Variants in PYCR3 observed in about 807,000 individuals in gnomAD.
PYCR3 encodes the protein P5C reductase 3.
In PYCR3, 26 loss-of-function variants were observed where a neutral mutation model predicts 23.4. The observed-to-expected ratio is 1.11, with a 90% CI of 0.81 to 1.54. The LOEUF (loss-of-function observed/expected upper bound fraction) is 1.54. PYCR3 is among the 40% of genes most tolerant of loss of function. PYCR3 has a pLI of 0.00. For synonymous variants in PYCR3, 194 were observed against 162.6 expected, an observed-to-expected ratio of 1.19 and a Z score of -1.47; for missense variants, 360 against 376.3, an observed-to-expected ratio of 0.96 and a Z score of 0.36.
intron 1 of PYCR3, chr8:143,608,884 C>T (rs1185132135): frequency 2.2e-6 from 1 of 456,722 alleles, no homozygotes; most frequent in Non-Finnish European, 4.4e-6. Context: ...TGGCTGAAGG[C>T]AGAGAGTCAA....
At position 143,607,269 on chromosome 8, in the gene PYCR3, G is replaced by T. The variant is rs935117042; in HGVS notation, c.157-137C>A. The T allele has an allele frequency of 7.7e-5, 61 of 794,736 alleles. 1 individual carries two copies. Among genetic ancestry groups the T allele is most frequent in the African/African-American group, 7.6e-4 (43 of 56,386 alleles). The allele number at this position is 794,736 out of a possible 1,614,324, so 49.2% of individuals were successfully genotyped here. On this transcript the variant is annotated intron_variant, in intron 2 of 5. Coordinates refer to ENST00000495276, the MANE Select transcript of PYCR3 (RefSeq NM_023078.6). ...CCATTGCAAGTGTCTAGACCACCCC[G>T]ACTTCTCCAGTGCCCAAGACTCCCC...
rs967687419 is a variant in PYCR3 at position 143,604,827 on chromosome 8, G to A, written c.*873C>T. On this transcript the variant is annotated 3_prime_UTR_variant, in exon 6 of 6. Transcript: ENST00000495276. Reference sequence around the variant, plus strand: ...AGTCTTGCCATCAGAGGCCAGTGTGGTGGTGCCAGAGCTACGGGGTATTCC... The same window carrying A: ...AGTCTTGCCATCAGAGGCCAGTGTGATGGTGCCAGAGCTACGGGGTATTCC... 1 of 455,856 alleles carries A rather than the reference G, an allele frequency of 2.2e-6. No homozygotes were observed. The highest frequency in any genetic ancestry group is 4.4e-6 in the Non-Finnish European group (1 of 227,820). 28.2% of individuals were successfully genotyped at this position (455,856 alleles called of 1,614,324 possible).
rs554156846 is a variant in PYCR3 at position 143,603,452 on chromosome 8, G to A, written c.*2248C>T. Among the ~76,000 whole-genome samples, 7 of 152,344 alleles carry A rather than the reference G, an allele frequency of 4.6e-5. No individual in the cohort carries two copies. The highest frequency in any genetic ancestry group is 3.3e-4 in the Admixed American group (5 of 15,296). On this transcript the variant is annotated 3_prime_UTR_variant, in exon 6 of 6. Transcript: ENST00000495276. Reference sequence around the variant, plus strand: ...CCCTGCCGTGCCGAGAACTGAGCCCGTGTCTTTGTCACAGGCCCTCACCAG... The same window carrying A: ...CCCTGCCGTGCCGAGAACTGAGCCCATGTCTTTGTCACAGGCCCTCACCAG...
chr8:143,605,933 C>A, intron 5 of PYCR3, 51 bp from the exon 6 acceptor site: 2 of 1,574,044 alleles, frequency 1.3e-6, no homozygotes, highest in Non-Finnish European at 1.7e-6. Flanking sequence ...GCGGTCCCCA[C>A]TGTGCGGCCT....
rs566730317 is a variant in PYCR3, at chr8:143,606,554, A to G, written c.462T>C (p.His154=). The G allele has an allele frequency of 1.9e-6, 3 of 1,612,886 alleles. No homozygotes were observed. In the African/African-American group the frequency reaches 4.0e-5, roughly 21 times the overall value. ...CACACCGCCCACAGGCCTCCAGCAG[A>G]TGCTGCAGGAGCTTGGTCTCGCTGC... ...VGSSETKLLQ[H]LLEACGRCEE... Residue 154 remains histidine (H), a synonymous_variant, in exon 4 of 6, where the codon CAT becomes CAC. Coordinates refer to ENST00000495276, the MANE Select transcript of PYCR3 (RefSeq NM_023078.6).
At chr8:143,607,200 C>T (rs534256605) in intron 2 of PYCR3, 68 bp from the exon 3 acceptor site, 15 of 1,395,848 alleles carry the variant, frequency 1.1e-5, no homozygotes, top group East Asian at 5.1e-5. Flanking sequence ...CATCACAGCC[C>T]TTCCTGCTGG....
At position 143,607,660 on chromosome 8, in the gene PYCR3, A is replaced by T. The variant is rs565122223; in HGVS notation, c.156+402T>A. On this transcript the variant is annotated intron_variant, in intron 2 of 5. Coordinates refer to ENST00000495276, the MANE Select transcript of PYCR3 (RefSeq NM_023078.6). Reference sequence around the variant, plus strand: ...CGACCACACAGGTGCACATGCACTCATGAGCATGCACTCATACACACACGC... The same window carrying T: ...CGACCACACAGGTGCACATGCACTCTTGAGCATGCACTCATACACACACGC... 3.2e-3 allele frequency among the ~76,000 whole-genome samples: 494 copies of T among 152,172 alleles called. 13 individuals are homozygous for T. The highest frequency in any genetic ancestry group is 1.4e-3 in the East Asian group (7 of 5,178).
chr8:143,606,812 A>G, intron 3 of PYCR3, 133 bp from the exon 4 acceptor site: 2 of 1,328,106 alleles, frequency 1.5e-6, no homozygotes, highest in Non-Finnish European at 2.1e-6. Flanking sequence ...GTACAGCACC[A>G]GGAGGGAACC....
chr8:143,607,994 T>G, intron 2 of PYCR3, 68 bp downstream of exon 2: 1 of 1,191,272 alleles, frequency 8.4e-7, no homozygotes, highest in Non-Finnish European at 1.2e-6. Flanking sequence ...ATAAGTGTCT[T>G]AGTGGGACAG....
chr8:143,606,202 G>A, intron 4 of PYCR3, 48 bp from the exon 5 acceptor site: 1 of 1,533,060 alleles, frequency 6.5e-7, no homozygotes, highest in Non-Finnish European at 8.9e-7. Flanking sequence ...CAAAGCCTGG[G>A]GGCTCAGGAC....
Position 143,604,368 on chromosome 8 carries a change from C to CCG in PYCR3, c.*1331_*1332insCG. The CCG allele has an allele frequency of 6.4e-6, 1 of 157,216 alleles. No individual in the cohort carries two copies. The highest frequency in any genetic ancestry group is 6.4e-5 in the Admixed American group (1 of 15,520). 9.7% of individuals were successfully genotyped at this position (157,216 alleles called of 1,614,324 possible). A position where few individuals can be genotyped will look rare whatever the true frequency, so the allele number is the denominator to read the frequency against. ...GCAGGGGAGGGAGCTTACGGACGGG[C>CCG]TAGGCTCAGGAGAGTAAGAGAGAGC... is the stretch of plus-strand genomic sequence containing the variant. On this transcript the variant is annotated 3_prime_UTR_variant, in exon 6 of 6. Coordinates refer to ENST00000495276, the MANE Select transcript of PYCR3 (RefSeq NM_023078.6).
intron 1 of PYCR3, chr8:143,608,798 G>A (rs1487522530): frequency 2.2e-6 from 1 of 456,514 alleles, no homozygotes; most frequent in Admixed American, 2.3e-5. Context: ...GTACTGCCAG[G>A]TTTCACAGGG....
chr8:143,609,409 C>T (rs1412593373), intron 1 of PYCR3, 49 bp downstream of exon 1: 9 of 1,435,966 alleles, frequency 6.3e-6, no homozygotes, highest in Non-Finnish European at 8.2e-6. Flanking sequence ...ACACCTCCCA[C>T]GGGGCTGCTC....
rs1829418592 is a variant in PYCR3 at position 143,606,961 on chromosome 8, G to C, written c.328C>G (p.Leu110Val). The change falls in exon 3 of 6, where the codon CTG becomes GTG. Residue 110 changes from leucine (L) to valine (V), a missense_variant. Transcript: ENST00000495276. The part of the protein sequence containing the change: ...SVAAGVSLST[L>V]EELLPPNTRV... ...GCCCAAGGGACACTCACCTCCTCCA[G>C]GGTGCTCAGAGACACCCCAGCAGCC... is the stretch of plus-strand genomic sequence containing the variant. 1 of 1,602,046 alleles carries C rather than the reference G, an allele frequency of 6.2e-7. No homozygotes were observed. The highest frequency in any genetic ancestry group is 2.2e-5 in the East Asian group (1 of 44,626).
rs1176112367 is a variant in PYCR3 at position 143,605,172 on chromosome 8, A to ATCAGGCCG, written c.*527_*528insCGGCCTGA. On this transcript the variant is annotated 3_prime_UTR_variant, in exon 6 of 6. Transcript: ENST00000495276. Reference sequence around the variant, plus strand: ...CTCCCCATGGGGGCCCCATCAGGCCAGGGCCCCTGGCTTTACTGCAGGGGA... The same window carrying ATCAGGCCG: ...CTCCCCATGGGGGCCCCATCAGGCCATCAGGCCGGGGCCCCTGGCTTTACTGCAGGGGA... 276 of 343,528 alleles carry ATCAGGCCG rather than the reference A, an allele frequency of 8.0e-4. 4 individuals carry two copies. The highest frequency in any genetic ancestry group is 5.8e-3 in the African/African-American group (267 of 46,318). The allele number at this position is 343,528 out of a possible 1,614,324, so 21.3% of individuals were successfully genotyped here.
intron 1 of PYCR3, 35 bp downstream of exon 1, chr8:143,609,423 C>G (rs912920991): frequency 7.4e-6 from 11 of 1,479,200 alleles, no homozygotes; most frequent in Admixed American, 2.4e-5. Context: ...GCTGCTCCCA[C>G]TCCAGACCGC....
chr8:143,607,134 T>G lies in PYCR3; in HGVS notation c.157-2A>C, dbSNP rs1352448397. 6.4e-7 allele frequency: 1 copy of G among 1,562,834 alleles called. No individual in the cohort carries two copies. Among genetic ancestry groups the G allele is most frequent in the African/African-American group, 1.4e-5 (1 of 73,742 alleles). On this transcript the variant is annotated splice_acceptor_variant, in intron 2 of 5. Coordinates refer to ENST00000495276, the MANE Select transcript of PYCR3 (RefSeq NM_023078.6). LOFTEE classifies it high-confidence loss of function. ...GTGCGTGGTCCGGCAACCCAGAGCC[T>G]GCGCCAGGGACACCAGGACCAAGCC...
Position 143,605,216 on chromosome 8 carries a change from C to G in PYCR3, c.*484G>C, listed in dbSNP as rs1311218409. 3.1e-6 allele frequency: 1 copy of G among 320,116 alleles called. No homozygotes were observed. Among genetic ancestry groups the G allele is most frequent in the East Asian group, 9.4e-5 (1 of 10,586 alleles). The allele number at this position is 320,116 out of a possible 1,614,324, so 19.8% of individuals were successfully genotyped here. A position where few individuals can be genotyped will look rare whatever the true frequency, so the allele number is the denominator to read the frequency against. On this transcript the variant is annotated 3_prime_UTR_variant, in exon 6 of 6. Transcript: ENST00000495276. ...CAGGGGAGAGGGTCTCTTGTGCAGACCCCATATGGCTCGTGCCCCCTAGAG... is the reference window on the plus strand; with the variant it reads ...CAGGGGAGAGGGTCTCTTGTGCAGAGCCCATATGGCTCGTGCCCCCTAGAG...
chr8:143,608,457 C>T, intron 1 of PYCR3: 1 of 402,240 alleles, frequency 2.5e-6, no homozygotes, highest in Non-Finnish European at 4.6e-6. Context: ...TCTGGAGGAA[C>T]ACCAGGCCTT....
Sources: allele counts gnomAD v4.1 joint callset (sites outside exome capture counted in the v4.1 genomes callset), GRCh38; gene constraint gnomAD v4.1.1; transcripts MANE v1.5; gene names NCBI Gene and HGNC (gene_info 2026-07-23, HGNC 2026-07-21).